JADE3: variants seen among roughly 807,000 people sequenced by gnomAD.
JADE3 encodes protein Jade-3.
In JADE3, 2 loss-of-function variants were observed where a neutral mutation model predicts 50.1. The observed-to-expected ratio is 0.04, with a 90% CI of 0.02 to 0.13. The LOEUF (loss-of-function observed/expected upper bound fraction) is 0.13. Ranked by LOEUF, JADE3 falls within the 10% of genes least tolerant of loss-of-function variation. The pLI is 1.00. For missense variants in JADE3, 475 were observed against 634.4 expected (o/e 0.75, Z 2.70); for synonymous variants, 218 against 232.9 (o/e 0.94, Z 0.58).
rs373683529 is a variant in JADE3, at chrX:46,955,668, T to G, written c.-11-29216T>G. Among the ~76,000 whole-genome samples the G allele has an allele frequency of 4.5e-5, 5 of 111,219 alleles. No individual in the cohort carries two copies. In the East Asian group the frequency reaches 8.4e-4, roughly 19 times the overall value. On this transcript the variant is annotated intron_variant, in intron 1 of 10. Transcript: ENST00000614628. ...AGCCTGTGAACTAGAATTTAGAAAC[T>G]GAGAGGTTCCAGTCCAAGGTTGATG...
chrX:46,981,053 T>G (rs1225849740), intron 1 of JADE3, among the ~76,000 whole-genome samples: 1 of 111,380 alleles, frequency 9.0e-6, no homozygotes, highest in African/African-American at 3.3e-5. Context: ...AAGAGTGTCC[T>G]CTAAAAGCTG....
intron 1 of JADE3, among the ~76,000 whole-genome samples, chrX:46,964,239 T>G (rs1017631982): frequency 1.8e-5 from 2 of 112,134 alleles, no homozygotes; most frequent in Non-Finnish European, 3.8e-5. Context: ...GCTGCAAATT[T>G]TTTTATTCTC....
intron 3 of JADE3, among the ~76,000 whole-genome samples, chrX:46,995,748 C>T (rs1569536767): frequency 9.0e-6 from 1 of 111,501 alleles, no homozygotes. Flanking sequence ...CATTCCCATC[C>T]ACTCAGCATT....
chrX:47,042,316 C>G (rs1556369885), intron 8 of JADE3, among the ~76,000 whole-genome samples: 1 of 111,948 alleles, frequency 8.9e-6, no homozygotes, highest in African/African-American at 3.2e-5. Context: ...GTACCACATT[C>G]TGCCACTATT....
chrX:46,927,345 A>T (rs1320363363), intron 1 of JADE3, among the ~76,000 whole-genome samples: 1 of 112,275 alleles, frequency 8.9e-6, no homozygotes, highest in African/African-American at 3.2e-5. Context: ...ATTAAAATGG[A>T]GAAATTAAGT....
At chrX:46,972,866 T>C (rs1316832655) in intron 1 of JADE3, among the ~76,000 whole-genome samples, 3 of 112,400 alleles carry the variant, frequency 2.7e-5, no homozygotes, top group Non-Finnish European at 5.6e-5. Flanking sequence ...CCCAAAGTGC[T>C]AGGATTATAG....
At chrX:47,035,313 G>A (rs1432703298) in intron 7 of JADE3, among the ~76,000 whole-genome samples, 1 of 111,424 alleles carries the variant, frequency 9.0e-6, no homozygotes, top group Non-Finnish European at 1.9e-5. Flanking sequence ...GGGAGTTATT[G>A]TCTAATAAAG....
chrX:47,003,786 G>A (rs5906304), intron 4 of JADE3, among the ~76,000 whole-genome samples: 34,150 of 95,706 alleles, frequency 0.36, 7,577 homozygotes, highest in African/African-American at 0.78. Context: ...ATTTATATAT[G>A]TTTTATATAT....
At chrX:46,988,452 A>C (rs1457091272) in intron 3 of JADE3, among the ~76,000 whole-genome samples, 1 of 111,632 alleles carries the variant, frequency 9.0e-6, no homozygotes, top group Non-Finnish European at 1.9e-5. Context: ...ACCAGTATGC[A>C]TTGGACATAT....
chrX:46,999,973 T>G (rs1928242627), intron 4 of JADE3, among the ~76,000 whole-genome samples: 1 of 111,212 alleles, frequency 9.0e-6, no homozygotes, highest in Admixed American at 9.6e-5. Flanking sequence ...TTCTGTTACA[T>G]ATTAGATTTT....
At chrX:46,937,556 G>A (rs140022298) in intron 1 of JADE3, among the ~76,000 whole-genome samples, 21 of 112,206 alleles carry the variant, frequency 1.9e-4, no homozygotes, top group African/African-American at 6.1e-4. Flanking sequence ...TTTGCTTCAC[G>A]TATTTTGAAA....
At chrX:46,978,780 A>T (rs1556352183) in intron 1 of JADE3, among the ~76,000 whole-genome samples, 1 of 111,375 alleles carries the variant, frequency 9.0e-6, no homozygotes, top group Non-Finnish European at 1.9e-5. Context: ...AATGTACCTG[A>T]CTGCCCCCTG....
intron 10 of JADE3, among the ~76,000 whole-genome samples, chrX:47,056,445 A>C (rs962208718): frequency 7.2e-5 from 8 of 111,711 alleles, no homozygotes; most frequent in Non-Finnish European, 1.5e-4. Flanking sequence ...GGTCCCAAAC[A>C]GATATTCGAG....
intron 4 of JADE3, among the ~76,000 whole-genome samples, chrX:47,023,419 T>C (rs377016907): frequency 5.4e-5 from 6 of 111,681 alleles, no homozygotes; most frequent in Non-Finnish European, 9.4e-5. Flanking sequence ...TCCAACTCCA[T>C]CCATGTCCCT....
chrX:47,026,265 G>A (rs1189085701), intron 5 of JADE3, among the ~76,000 whole-genome samples: 1 of 111,677 alleles, frequency 9.0e-6, no homozygotes, highest in Non-Finnish European at 1.9e-5. Flanking sequence ...AGGTTCCTTT[G>A]GTATTTTGTA....
intron 1 of JADE3, among the ~76,000 whole-genome samples, chrX:46,957,451 G>A (rs1927158565): frequency 8.9e-6 from 1 of 112,383 alleles, no homozygotes; most frequent in Non-Finnish European, 1.9e-5. Flanking sequence ...GCATGTGGTA[G>A]GATTGTAGTT....
chrX:46,973,461 G>A (rs1384633563), intron 1 of JADE3, among the ~76,000 whole-genome samples: 1 of 112,387 alleles, frequency 8.9e-6, no homozygotes, highest in African/African-American at 3.2e-5. Flanking sequence ...AGATTTGTTA[G>A]GGGTGAGGAG....
rs1265817814 is a variant in JADE3 at position 47,054,143 on chromosome X, AT to A, written c.973-11del. On this transcript the variant is annotated splice_polypyrimidine_tract_variant and intron_variant, in intron 8 of 10. Transcript: ENST00000614628. The stretch of plus-strand genomic sequence containing the variant: ...CTCCAACTCTGCTACCTTGACACCT[AT>A]TTTCTTCCTACAGTGCTCTATAAAA... The A allele has an allele frequency of 8.8e-7, 1 of 1,140,710 alleles. No homozygotes were observed. Among genetic ancestry groups the A allele is most frequent in the Non-Finnish European group, 1.2e-6 (1 of 843,489 alleles). The allele number at this position is 1,140,710 out of a possible 1,213,427, so 94.0% of individuals were successfully genotyped here. A position where few individuals can be genotyped will look rare whatever the true frequency, so the allele number is the denominator to read the frequency against.
intron 3 of JADE3, among the ~76,000 whole-genome samples, chrX:46,989,079 C>G (rs1387120160): frequency 1.8e-5 from 2 of 111,536 alleles, no homozygotes; most frequent in East Asian, 5.6e-4. Flanking sequence ...ACCTCGTGAT[C>G]CACCCACCTT....
Sources: gnomAD v4.1 joint callset for allele counts (sites outside exome capture counted in the v4.1 genomes callset) on GRCh38, gnomAD v4.1.1 for gene constraint, MANE v1.5 for transcripts, NCBI Gene and HGNC (gene_info 2026-07-23, HGNC 2026-07-21) for gene names.